The following NBEA variants were observed in gnomAD, a reference collection of about 807,000 sequenced individuals.
The protein encoded by NBEA is neurobeachin.
In NBEA, 44 loss-of-function variants were observed where a neutral mutation model predicts 343.4. The ratio of observed to expected loss-of-function variants is 0.13; its 90% CI spans 0.10 to 0.16. The LOEUF (loss-of-function observed/expected upper bound fraction) is 0.16, where lower values mean the gene tolerates loss of function less well. NBEA is among the 10% of genes least tolerant of loss of function. NBEA has a pLI of 1.00. For synonymous variants in NBEA, 1,175 were observed against 1,238.7 expected (o/e 0.95, Z 1.08); for missense variants, 2,555 against 3,631.3 (o/e 0.70, Z 7.62).
intron 1 of NBEA, among the ~76,000 whole-genome samples, chr13:34,958,696 A>G (rs1194824600): frequency 6.6e-6 from 1 of 152,132 alleles, no homozygotes; most frequent in East Asian, 1.9e-4. Flanking sequence ...AAAATGAATA[A>G]GAGAAAAGGT....
chr13:35,485,718 C>T (rs1329549813), intron 41 of NBEA, among the ~76,000 whole-genome samples: 2 of 152,074 alleles, frequency 1.3e-5, no homozygotes, highest in Non-Finnish European at 2.9e-5. Flanking sequence ...CTGTGAAAGG[C>T]AACCAGATTA....
At chr13:35,133,795 C>A (rs978599368) in intron 17 of NBEA, among the ~76,000 whole-genome samples, 1 of 151,672 alleles carries the variant, frequency 6.6e-6, no homozygotes, top group African/African-American at 2.4e-5. Flanking sequence ...AGTATAAAGA[C>A]GTACATGGGA....
At chr13:35,286,247 T>G (rs1269340991) in intron 34 of NBEA, among the ~76,000 whole-genome samples, 1 of 152,164 alleles carries the variant, frequency 6.6e-6, no homozygotes, top group African/African-American at 2.4e-5. Flanking sequence ...AATTGGGATC[T>G]TATTCTAAAA....
intron 41 of NBEA, among the ~76,000 whole-genome samples, chr13:35,535,662 C>G (rs910362242): frequency 1.3e-5 from 2 of 152,154 alleles, no homozygotes; most frequent in African/African-American, 4.8e-5. Context: ...CACAGCAACC[C>G]TGCAAAGTAG....
At position 35,184,017 on chromosome 13, in the gene NBEA, G is replaced by A. The variant is rs1284883201; in HGVS notation, c.4873G>A (p.Gly1625Arg). Residue 1625 changes from glycine to arginine, a missense_variant, in exon 30 of 59, where the codon GGA (glycine) becomes AGA (arginine). By Grantham distance (125) the Gly-to-Arg change is moderately radical. This residue lies in a region of NBEA where 270 missense variants were observed against 293.3 expected (regional missense o/e 0.92). Transcript: ENST00000379939. Reference protein sequence around the residue: ...PSIPHPSLNHGFLAKLIPEQS... With the variant: ...PSIPHPSLNHRFLAKLIPEQS... ...TATCCCTCATCCAAGTTTGAACCATGGATTCCTTGCCAAGTTAATTCCTGA... is the reference window on the plus strand; with the variant it reads ...TATCCCTCATCCAAGTTTGAACCATAGATTCCTTGCCAAGTTAATTCCTGA... 6.2e-7 allele frequency: 1 copy of A among 1,611,586 alleles called. No individual in the cohort carries two copies. Among genetic ancestry groups the A allele is most frequent in the Non-Finnish European group, 8.5e-7 (1 of 1,178,526 alleles).
Position 34,960,091 on chromosome 13 carries a change from G to A in NBEA, c.294+16977G>A, listed in dbSNP as rs113751022. On this transcript the variant is annotated intron_variant, in intron 1 of 58. Transcript: ENST00000379939. ...ATGATAAGAGATGACAGCTCCATGGGTGTTGTTGCCCCTGAAGACTTTTCA... is the reference window on the plus strand; with the variant it reads ...ATGATAAGAGATGACAGCTCCATGGATGTTGTTGCCCCTGAAGACTTTTCA... Among the ~76,000 whole-genome samples the A allele has an allele frequency of 4.0e-4, 61 of 152,206 alleles. 1 individual carries two copies. Among genetic ancestry groups the A allele is most frequent in the African/African-American group, 1.3e-3 (56 of 41,544 alleles).
chr13:34,972,345 T>G lies in NBEA; in HGVS notation c.294+29231T>G, dbSNP rs192760035. Among the ~76,000 whole-genome samples, 13 of 152,320 alleles carry G rather than the reference T, an allele frequency of 8.5e-5. No homozygotes were observed. In the East Asian group the frequency reaches 2.3e-3, roughly 27 times the overall value. ...TGCCTCCTTCAGTTCAGCTCTGATTTTGGTATTTCCTGTCTTCTGATAGCT... is the reference window on the plus strand; with the variant it reads ...TGCCTCCTTCAGTTCAGCTCTGATTGTGGTATTTCCTGTCTTCTGATAGCT... On this transcript the variant is annotated intron_variant, in intron 1 of 58. Transcript: ENST00000379939.
intron 36 of NBEA, among the ~76,000 whole-genome samples, chr13:35,345,423 T>C (rs1052527763): frequency 3.3e-5 from 5 of 152,070 alleles, no homozygotes; most frequent in Admixed American, 2.6e-4. Flanking sequence ...GGTTTATTTA[T>C]TTATTTATAT....
intron 30 of NBEA, among the ~76,000 whole-genome samples, chr13:35,184,702 G>A (rs2071565963): frequency 6.6e-6 from 1 of 151,924 alleles, no homozygotes. Context: ...GTTTTTCAAT[G>A]TAATGGAAAA....
At chr13:35,008,889 C>A (rs538339511) in intron 1 of NBEA, among the ~76,000 whole-genome samples, 22 of 152,272 alleles carry the variant, frequency 1.4e-4, no homozygotes, top group Admixed American at 1.3e-3. Flanking sequence ...TCACTGTTTT[C>A]ATGGGCATAT....
intron 4 of NBEA, among the ~76,000 whole-genome samples, chr13:35,046,853 A>T (rs980048993): frequency 4.6e-5 from 7 of 152,062 alleles, no homozygotes; most frequent in African/African-American, 1.7e-4. Flanking sequence ...GTACCTCATC[A>T]TAGTTTTAAT....
chr13:35,175,943 A>G (rs117817945), intron 27 of NBEA, among the ~76,000 whole-genome samples: 2,970 of 152,268 alleles, frequency 0.02, 50 homozygotes, highest in South Asian at 0.034. Flanking sequence ...GTAGAGAAAT[A>G]TAGAAAAGAA....
chr13:35,283,756 A>G (rs1383796108), intron 34 of NBEA, among the ~76,000 whole-genome samples: 2 of 152,176 alleles, frequency 1.3e-5, no homozygotes, highest in African/African-American at 4.8e-5. Context: ...ATAGCATCAC[A>G]TTATTCAGGG....
intron 48 of NBEA, among the ~76,000 whole-genome samples, chr13:35,619,394 G>C (rs1049909457): frequency 6.6e-6 from 1 of 152,098 alleles, no homozygotes; most frequent in African/African-American, 2.4e-5. Context: ...AGTGGTAGCA[G>C]GCTGGACAGG....
intron 36 of NBEA, among the ~76,000 whole-genome samples, chr13:35,324,465 T>C (rs2038399195): frequency 6.6e-6 from 1 of 152,188 alleles, no homozygotes; most frequent in Non-Finnish European, 1.5e-5. Context: ...AAACAAGGAT[T>C]AAGAAAAACT....
intron 10 of NBEA, among the ~76,000 whole-genome samples, chr13:35,078,471 A>C (rs1294985388): frequency 6.6e-6 from 1 of 152,198 alleles, no homozygotes; most frequent in Non-Finnish European, 1.5e-5. Context: ...ATCTGAGTTA[A>C]ACAATACAAT....
chr13:35,432,112 A>G (rs2152930754), intron 38 of NBEA, among the ~76,000 whole-genome samples, 157 bp from the exon 39 acceptor site: 1 of 150,468 alleles, frequency 6.6e-6, no homozygotes, highest in South Asian at 2.1e-4. Flanking sequence ...ATATATATGT[A>G]TATATATACA....
At chr13:35,109,773 T>C (rs1343384144) in intron 12 of NBEA, among the ~76,000 whole-genome samples, 1 of 152,118 alleles carries the variant, frequency 6.6e-6, no homozygotes, top group Admixed American at 6.6e-5. Context: ...GTAATCATTT[T>C]GCTGGAAAAT....
intron 35 of NBEA, among the ~76,000 whole-genome samples, chr13:35,308,801 G>A (rs2152832136): frequency 6.7e-6 from 1 of 150,170 alleles, no homozygotes; most frequent in South Asian, 2.1e-4. Flanking sequence ...TGTGCTTTAG[G>A]AACAGCATAA....
Sources: allele counts gnomAD v4.1 joint callset (sites outside exome capture counted in the v4.1 genomes callset), GRCh38; gene constraint gnomAD v4.1.1; regional missense constraint gnomAD v4.1.1; transcripts MANE v1.5; gene names NCBI Gene and HGNC (gene_info 2026-07-23, HGNC 2026-07-21).